NYAP2: variants seen among roughly 807,000 people sequenced by gnomAD.
NYAP2 encodes the protein neuronal tyrosine-phosphorylated phosphoinositide-3-kinase adapter 2.
NYAP2 carries 23 observed loss-of-function variants against 50.4 expected under a neutral mutation model. That is an observed-to-expected ratio of 0.46 (90% CI 0.33 to 0.65). NYAP2 has a LOEUF of 0.65. Among genes scored for constraint, NYAP2 ranks in the 30% least tolerant of loss-of-function variants. The pLI is 0.02. For missense variants in NYAP2, 885 were observed against 861.0 expected (o/e 1.03, Z -0.35); for synonymous variants, 394 against 365.2 (o/e 1.08, Z -0.90).
At chr2:225,532,311 C>T (rs1034017858) in intron 4 of NYAP2, among the ~76,000 whole-genome samples, 5 of 152,110 alleles carry the variant, frequency 3.3e-5, no homozygotes, top group African/African-American at 1.2e-4. Flanking sequence ...CTTTAATTGA[C>T]TTCAGTGAAG....
chr2:225,478,266 T>A (rs1666222524), intron 3 of NYAP2, among the ~76,000 whole-genome samples: 1 of 151,622 alleles, frequency 6.6e-6, no homozygotes. Context: ...GGATGAAGAG[T>A]CGGGGATGCT....
chr2:225,418,181 T>C (rs1249839231), intron 3 of NYAP2, among the ~76,000 whole-genome samples: 1 of 151,828 alleles, frequency 6.6e-6, no homozygotes, highest in African/African-American at 2.4e-5. Flanking sequence ...GAAGAAGAAA[T>C]GTGGAGAGAA....
chr2:225,653,680 G>A (rs1375296157), exon 7 of NYAP2: 1 of 152,210 alleles, frequency 6.6e-6, no homozygotes, highest in Non-Finnish European at 1.5e-5. Flanking sequence ...TAGCTCATAT[G>A]AACACTGCTC....
intron 4 of NYAP2, among the ~76,000 whole-genome samples, chr2:225,573,157 A>T (rs1692104744): frequency 6.7e-6 from 1 of 149,560 alleles, no homozygotes; most frequent in African/African-American, 2.5e-5. Flanking sequence ...ATGCACAGGA[A>T]ATTAATTTTG....
chr2:225,438,810 G>C (rs896841367), intron 3 of NYAP2, among the ~76,000 whole-genome samples: 1 of 152,188 alleles, frequency 6.6e-6, no homozygotes, highest in Admixed American at 6.5e-5. Flanking sequence ...ACCAGAATTA[G>C]AGTATCAAAC....
chr2:225,502,073 G>A (rs1690617655), intron 3 of NYAP2, among the ~76,000 whole-genome samples: 2 of 152,202 alleles, frequency 1.3e-5, no homozygotes, highest in South Asian at 4.1e-4. Flanking sequence ...TAAAAGTTTG[G>A]ATTTTTAGTC....
the NYAP2 span, among the ~76,000 whole-genome samples, chr2:225,663,842 C>A: frequency 1.3e-5 from 2 of 152,132 alleles, no homozygotes; most frequent in Non-Finnish European, 2.9e-5. Context: ...AGATGTGAAC[C>A]ACTGCGCCCG....
intron 4 of NYAP2, among the ~76,000 whole-genome samples, chr2:225,539,696 A>ATT (rs568963121): frequency 6.7e-6 from 1 of 149,030 alleles, no homozygotes; most frequent in Non-Finnish European, 1.5e-5. Context: ...GGGTTGTTTG[A>ATT]TTTTTTTTTT....
chr2:225,663,117 G>A, the NYAP2 span, among the ~76,000 whole-genome samples: 5 of 152,156 alleles, frequency 3.3e-5, no homozygotes, highest in Non-Finnish European at 5.9e-5. Context: ...TGTTTTTACT[G>A]TAAGCATGCA....
At chr2:225,418,882 T>A (rs561579033) in intron 3 of NYAP2, among the ~76,000 whole-genome samples, 1 of 152,350 alleles carries the variant, frequency 6.6e-6, no homozygotes, top group South Asian at 2.1e-4. Flanking sequence ...TTTGTTATTG[T>A]ATGTGTGTAA....
chr2:225,656,687 G>C (rs1161692450), downstream of NYAP2, among the ~76,000 whole-genome samples: 1 of 152,130 alleles, frequency 6.6e-6, no homozygotes, highest in East Asian at 1.9e-4. Context: ...CTTAAAAAAA[G>C]AAGATAGACA....
chr2:225,673,337 G>T, the NYAP2 span, among the ~76,000 whole-genome samples: 1 of 152,008 alleles, frequency 6.6e-6, no homozygotes, highest in Admixed American at 6.6e-5. Context: ...TAATACTGAA[G>T]AAGTTTGAAA....
intron 5 of NYAP2, among the ~76,000 whole-genome samples, chr2:225,608,478 C>G (rs2106245937): frequency 6.6e-6 from 1 of 152,278 alleles, no homozygotes; most frequent in South Asian, 2.1e-4. Flanking sequence ...AATACAAACT[C>G]TGTAGCCTGC....
chr2:225,566,655 A>T (rs1309196030), intron 4 of NYAP2, among the ~76,000 whole-genome samples: 1 of 152,192 alleles, frequency 6.6e-6, no homozygotes, highest in African/African-American at 2.4e-5. Flanking sequence ...ACTTCCTTTC[A>T]CTGTAGGTAG....
intron 3 of NYAP2, among the ~76,000 whole-genome samples, chr2:225,418,409 C>A (rs1695159706): frequency 6.6e-6 from 1 of 152,070 alleles, no homozygotes; most frequent in Non-Finnish European, 1.5e-5. Flanking sequence ...GGCAGGGAGA[C>A]CAGTCAGGAG....
intron 4 of NYAP2, among the ~76,000 whole-genome samples, chr2:225,572,785 T>G (rs1692097583): frequency 6.6e-6 from 1 of 152,216 alleles, no homozygotes; most frequent in Admixed American, 6.5e-5. Context: ...GCTGAGTCCA[T>G]GTCCACAACA....
intron 5 of NYAP2, among the ~76,000 whole-genome samples, chr2:225,624,836 G>A (rs1693180834): frequency 6.6e-6 from 1 of 151,604 alleles, no homozygotes; most frequent in African/African-American, 2.4e-5. Context: ...TCTTTGTTTT[G>A]TACGTAAGAA....
intron 3 of NYAP2, among the ~76,000 whole-genome samples, chr2:225,483,339 C>T (rs997210002): frequency 7.5e-4 from 114 of 152,152 alleles, no homozygotes; most frequent in African/African-American, 2.5e-3. Context: ...GTTAATTATG[C>T]ATAGTTTTTA....
chr2:225,401,388 C>G (rs551777587), intron 2 of NYAP2, among the ~76,000 whole-genome samples: 15 of 151,968 alleles, frequency 9.9e-5, no homozygotes, highest in Non-Finnish European at 1.5e-4. Flanking sequence ...GCTATTTATC[C>G]GCTATTCCAT....
Sources: gnomAD v4.1 joint callset for allele counts (sites outside exome capture counted in the v4.1 genomes callset) on GRCh38, gnomAD v4.1.1 for gene constraint, MANE v1.5 for transcripts, NCBI Gene and HGNC (gene_info 2026-07-23, HGNC 2026-07-21) for gene names.